Variants in FAM171A1 observed in about 807,000 individuals in gnomAD.
The protein encoded by FAM171A1 is family with sequence similarity 171 member A1.
A neutral mutation model predicts 74.9 loss-of-function variants in FAM171A1; 23 were observed. That is an observed-to-expected ratio of 0.31 (90% CI 0.22 to 0.44). The LOEUF is 0.44. Among genes scored for constraint, FAM171A1 ranks in the 20% least tolerant of loss-of-function variants. FAM171A1 has a pLI of 1.00. For synonymous variants in FAM171A1, 527 were observed against 505.7 expected (o/e 1.04, Z -0.57); for missense variants, 1,162 against 1,159.2 (o/e 1.00, Z -0.03).
At chr10:15,280,837 A>T (rs901354519) in intron 2 of FAM171A1, among the ~76,000 whole-genome samples, 2 of 152,250 alleles carry the variant, frequency 1.3e-5, no homozygotes, top group Non-Finnish European at 2.9e-5. Context: ...CACAAAAGCA[A>T]ATTGACTCTG....
At chr10:15,227,445 C>T (rs989257737) in intron 5 of FAM171A1, among the ~76,000 whole-genome samples, 1 of 152,220 alleles carries the variant, frequency 6.6e-6, no homozygotes, top group African/African-American at 2.4e-5. Context: ...GGCAGTGGTG[C>T]AATCATGGCT....
At chr10:15,358,930 AAC>A (rs747995318) in intron 1 of FAM171A1, among the ~76,000 whole-genome samples, 44 of 152,244 alleles carry the variant, frequency 2.9e-4, no homozygotes, top group Non-Finnish European at 5.7e-4. Context: ...TCTCCTACAT[AAC>A]AGTAGAGTCT....
At chr10:15,275,467 T>G (rs1834881529) in intron 3 of FAM171A1, among the ~76,000 whole-genome samples, 1 of 151,916 alleles carries the variant, frequency 6.6e-6, no homozygotes, top group Admixed American at 6.6e-5. Flanking sequence ...TTTTTTTTTT[T>G]TGTATTTTTA....
At chr10:15,266,417 T>C (rs1834741603) in intron 3 of FAM171A1, among the ~76,000 whole-genome samples, 1 of 151,992 alleles carries the variant, frequency 6.6e-6, no homozygotes, top group African/African-American at 2.4e-5. Context: ...TCATCTCCAG[T>C]GGATGTTCAG....
At chr10:15,221,181 C>A in intron 5 of FAM171A1, 121 bp from the exon 6 acceptor site, 2 of 734,304 alleles carry the variant, frequency 2.7e-6, no homozygotes, top group Non-Finnish European at 4.1e-6. Context: ...ATAAGATAAC[C>A]AAGATGGCCA....
At chr10:15,290,922 C>T (rs1350296165) in intron 1 of FAM171A1, among the ~76,000 whole-genome samples, 5 of 152,250 alleles carry the variant, frequency 3.3e-5, no homozygotes, top group African/African-American at 1.2e-4. Flanking sequence ...AGAGTCTTAG[C>T]TTACTACAGG....
intron 5 of FAM171A1, among the ~76,000 whole-genome samples, chr10:15,229,626 CCCATCACCATCATCA>C (rs1834163238): frequency 9.2e-6 from 1 of 109,164 alleles, no homozygotes; most frequent in East Asian, 2.8e-4. Context: ...CATTGTCACC[CCCATCACCATCATCA>C]CCATCACCAT....
At chr10:15,282,797 G>A (rs1464437686) in intron 2 of FAM171A1, among the ~76,000 whole-genome samples, 2 of 152,094 alleles carry the variant, frequency 1.3e-5, no homozygotes, top group East Asian at 1.9e-4. Context: ...CTGCAGACTC[G>A]ACTCTAATGT....
chr10:15,342,965 C>A (rs1468397919), intron 1 of FAM171A1, among the ~76,000 whole-genome samples: 1 of 152,194 alleles, frequency 6.6e-6, no homozygotes, highest in Non-Finnish European at 1.5e-5. Context: ...TCTGTCCTTA[C>A]CATGCACACC....
chr10:15,356,599 G>T (rs1436146331), intron 1 of FAM171A1, among the ~76,000 whole-genome samples: 5 of 152,142 alleles, frequency 3.3e-5, no homozygotes, highest in Non-Finnish European at 7.3e-5. Flanking sequence ...TATTAATACA[G>T]AAGAACGTTA....
At chr10:15,302,473 A>C (rs976331259) in intron 1 of FAM171A1, among the ~76,000 whole-genome samples, 1 of 151,086 alleles carries the variant, frequency 6.6e-6, no homozygotes, top group Admixed American at 6.7e-5. Flanking sequence ...CTCAAAAAAA[A>C]CAAAACAAAA....
At chr10:15,251,704 G>C (rs564677049) in intron 4 of FAM171A1, among the ~76,000 whole-genome samples, 1 of 151,970 alleles carries the variant, frequency 6.6e-6, no homozygotes, top group Non-Finnish European at 1.5e-5. Context: ...GAGCCATCGC[G>C]CCTGGCCTAT....
chr10:15,263,270 C>G (rs558545969), intron 3 of FAM171A1, among the ~76,000 whole-genome samples: 2 of 152,290 alleles, frequency 1.3e-5, no homozygotes, highest in African/African-American at 2.4e-5. Flanking sequence ...CTGGCTCCCC[C>G]AGTCTCATCT....
Position 15,370,992 on chromosome 10 carries a change from T to C in FAM171A1, c.61A>G (p.Thr21Ala). 4.2e-6 allele frequency: 5 copies of C among 1,190,512 alleles called. No homozygotes were observed. Among genetic ancestry groups the C allele is most frequent in the Non-Finnish European group, 5.3e-6 (5 of 938,734 alleles). The allele number at this position is 1,190,512 out of a possible 1,614,324, so 73.7% of individuals were successfully genotyped here. A position where few individuals can be genotyped will look rare whatever the true frequency, so the allele number is the denominator to read the frequency against. Residue 21 changes from threonine (T) to alanine (A), a missense_variant, in exon 1 of 8, where the codon ACC (threonine) becomes GCC (alanine). Transcript: ENST00000378116. ...GCGCCGGGCTCCCGCAGCGTCTTGGTCACCGCCTTCCAGACGTGGCAGCCC... is the reference window on the plus strand; with the variant it reads ...GCGCCGGGCTCCCGCAGCGTCTTGGCCACCGCCTTCCAGACGTGGCAGCCC... Reference protein sequence around the residue: ...LLGCHVWKAVTKTLREPGAGA... With the variant: ...LLGCHVWKAVAKTLREPGAGA...
In FAM171A1 at chr10:15,245,675, A is replaced by G. The variant is rs184519283; in HGVS notation, c.754+2964T>C. Among the ~76,000 whole-genome samples, 315 of 152,358 alleles carry G rather than the reference A, an allele frequency of 2.1e-3. 3 individuals carry two copies. Among genetic ancestry groups the G allele is most frequent in the African/African-American group, 7.4e-3 (308 of 41,586 alleles). On this transcript the variant is annotated intron_variant, in intron 5 of 7. Coordinates refer to ENST00000378116, the MANE Select transcript of FAM171A1 (RefSeq NM_001010924.2). ...GTGGGTGGCAGAGCTGGCATTCCAC[A>G]CCACTGTGCCCCCCAGACTCCCTGC...
rs528204247 is a variant in FAM171A1 at position 15,215,555 on chromosome 10, G to A, written c.986+441C>T. Among the ~76,000 whole-genome samples the A allele has an allele frequency of 3.3e-5, 5 of 152,152 alleles. No individual in the cohort carries two copies. The East Asian group carries it at 5.8e-4, about 18-fold the overall frequency. On this transcript the variant is annotated intron_variant, in intron 7 of 7. Transcript: ENST00000378116. ...TAATTTTTGTATTTTTGGTAGAAAC[G>A]GAGTTTCACCACGTTGGCTAGGCTG...
chr10:15,275,811 C>A, intron 3 of FAM171A1, 44 bp downstream of exon 3: 1 of 1,227,104 alleles, frequency 8.1e-7, no homozygotes, highest in South Asian at 1.3e-5. Flanking sequence ...AATAATGTAT[C>A]CATCAAAAAT....
At chr10:15,290,127 C>A (rs1204834833) in intron 1 of FAM171A1, among the ~76,000 whole-genome samples, 14 of 152,054 alleles carry the variant, frequency 9.2e-5, no homozygotes, top group Non-Finnish European at 5.9e-5. Flanking sequence ...ACTTGGGAGG[C>A]TGAGGCCGGA....
At chr10:15,312,318 A>C (rs1429604030) in intron 1 of FAM171A1, among the ~76,000 whole-genome samples, 1 of 151,066 alleles carries the variant, frequency 6.6e-6, no homozygotes, top group Non-Finnish European at 1.5e-5. Flanking sequence ...TCTAAGTCTA[A>C]AGCCCTGTTG....
Sources: allele counts gnomAD v4.1 joint callset (sites outside exome capture counted in the v4.1 genomes callset), GRCh38; gene constraint gnomAD v4.1.1; transcripts MANE v1.5; gene names NCBI Gene and HGNC (gene_info 2026-07-23, HGNC 2026-07-21).